The following APLF variants were observed in gnomAD, a reference collection of about 807,000 sequenced individuals.
APLF encodes aprataxin and PNK-like factor.
A neutral mutation model predicts 55.6 loss-of-function variants in APLF; 61 were observed. That is an observed-to-expected ratio of 1.10 (90% CI 0.89 to 1.36). The LOEUF is 1.36. Ranked by LOEUF, APLF falls within the 40% of genes most tolerant of loss-of-function variation. The pLI is 0.00. For missense variants in APLF, 611 were observed against 602.5 expected, an observed-to-expected ratio of 1.01 and a Z score of -0.15; for synonymous variants, 207 against 214.8, an observed-to-expected ratio of 0.96 and a Z score of 0.32.
intron 1 of APLF, 32 bp from the exon 2 acceptor site, chr2:68,490,158 A>T: frequency 6.6e-7 from 1 of 1,521,912 alleles, no homozygotes; most frequent in Non-Finnish European, 8.9e-7. Flanking sequence ...GGAGGTGGCT[A>T]TTCTTAATCT....
At chr2:68,510,369 T>A (rs1222974537) in intron 3 of APLF, among the ~76,000 whole-genome samples, 1 of 151,814 alleles carries the variant, frequency 6.6e-6, no homozygotes, top group Non-Finnish European at 1.5e-5. Context: ...AATGCATAAC[T>A]GATTTGAATA....
Position 68,547,714 on chromosome 2 carries a change from T to C in APLF, c.1286+2402T>C, listed in dbSNP as rs565745648. 4.6e-5 allele frequency among the ~76,000 whole-genome samples: 7 copies of C among 151,934 alleles called. No individual in the cohort carries two copies. In the South Asian group the frequency reaches 1.5e-3, roughly 31 times the overall value. Reference sequence around the variant, plus strand: ...AAACTGAATTCCAGATGACTCATAGTACTAAATGTAAAAAACAAAATAATA... The same window carrying C: ...AAACTGAATTCCAGATGACTCATAGCACTAAATGTAAAAAACAAAATAATA... On this transcript the variant is annotated intron_variant, in intron 8 of 9. Coordinates refer to ENST00000303795, the MANE Select transcript of APLF (RefSeq NM_173545.3).
chr2:68,470,817 G>A (rs1407362307), intron 1 of APLF, among the ~76,000 whole-genome samples: 1 of 152,198 alleles, frequency 6.6e-6, no homozygotes, highest in Admixed American at 6.5e-5. Context: ...AAAAGGAGAA[G>A]AGTCCTCAGT....
At chr2:68,537,804 G>A (rs1670437235) in intron 6 of APLF, 68 bp from the exon 7 acceptor site, 2 of 1,137,712 alleles carry the variant, frequency 1.8e-6, no homozygotes, top group Non-Finnish European at 1.2e-6. Context: ...GTAGTTTTGT[G>A]CTGTTATGCT....
At position 68,495,868 on chromosome 2, in the gene APLF, G is replaced by C. The variant is rs187284518; in HGVS notation, c.168+5607G>C. On this transcript the variant is annotated intron_variant, in intron 2 of 9. Transcript: ENST00000303795. ...ATGGCTTGCATCCTCCAAAATGGCA[G>C]CTCAAGCTGTATGTGGGGTCCTTTG... Among the ~76,000 whole-genome samples the C allele has an allele frequency of 2.6e-5, 4 of 152,332 alleles. No individual in the cohort carries two copies. The East Asian group carries it at 7.7e-4, about 29-fold the overall frequency.
intron 9 of APLF, chr2:68,568,201 A>G: frequency 1.1e-6 from 1 of 879,136 alleles, no homozygotes; most frequent in Middle Eastern, 5.8e-4. Flanking sequence ...TTCTTTAATA[A>G]AATCTGGCTT....
chr2:68,554,448 T>C (rs1445358000), intron 8 of APLF, among the ~76,000 whole-genome samples: 2 of 152,112 alleles, frequency 1.3e-5, no homozygotes, highest in Non-Finnish European at 2.9e-5. Context: ...TTGAAGTATC[T>C]TGCCTGATGG....
intron 3 of APLF, among the ~76,000 whole-genome samples, chr2:68,507,699 G>T (rs1676907412): frequency 1.3e-5 from 2 of 151,808 alleles, no homozygotes; most frequent in Non-Finnish European, 2.9e-5. Context: ...TTGGTTTTTT[G>T]AATGCATTAA....
chr2:68,471,676 A>G (rs1675621104), intron 1 of APLF, among the ~76,000 whole-genome samples: 1 of 152,230 alleles, frequency 6.6e-6, no homozygotes, highest in Admixed American at 6.5e-5. Context: ...CCCAGTTGGT[A>G]ACAGTGTCAT....
In APLF at chr2:68,545,179, C is replaced by G. The variant is rs773149673; in HGVS notation, c.1161-8C>G. On this transcript the variant is annotated splice_polypyrimidine_tract_variant and splice_region_variant and intron_variant, in intron 7 of 9. Coordinates refer to ENST00000303795, the MANE Select transcript of APLF (RefSeq NM_173545.3). ...TTTTTTCTGACAGTATATTTGTCGC[C>G]CTCCTAGGAAGAATCCTGTTCATTT... 6 of 1,611,234 alleles carry G rather than the reference C, an allele frequency of 3.7e-6. No individual in the cohort carries two copies. In the African/African-American group the frequency reaches 8.0e-5, roughly 22 times the overall value.
chr2:68,525,180 C>T (rs1670000473), intron 5 of APLF, among the ~76,000 whole-genome samples: 1 of 152,016 alleles, frequency 6.6e-6, no homozygotes, highest in South Asian at 2.1e-4. Context: ...CCTGTAATCT[C>T]AGCTACTTGG....
chr2:68,501,196 A>G (rs1411387928), intron 2 of APLF, among the ~76,000 whole-genome samples: 1 of 152,184 alleles, frequency 6.6e-6, no homozygotes, highest in African/African-American at 2.4e-5. Context: ...AAGGATAGAA[A>G]TATGATGTAT....
chr2:68,578,013 A>G lies in APLF; in HGVS notation c.1527A>G (p.Lys509=). The G allele has an allele frequency of 2.5e-6, 4 of 1,612,136 alleles. No individual in the cohort carries two copies. Among genetic ancestry groups the G allele is most frequent in the Non-Finnish European group, 3.4e-6 (4 of 1,179,196 alleles). ...ELLKEAKRFM[K]RK is the part of the protein sequence containing the mutation. ...TGAAAGAAGCAAAAAGGTTTATGAA[A>G]AGAAAATAGTAACTAACTTCTGTAG... Residue 509 remains lysine, a synonymous_variant, in exon 10 of 10, where the codon AAA becomes AAG. Transcript: ENST00000303795.
At chr2:68,569,413 C>T (rs1344004510) in intron 9 of APLF, among the ~76,000 whole-genome samples, 1 of 152,054 alleles carries the variant, frequency 6.6e-6, no homozygotes, top group Non-Finnish European at 1.5e-5. Context: ...TAGGACATCA[C>T]AGGCAAAGTG....
At chr2:68,572,284 G>A (rs1366217803) in intron 9 of APLF, among the ~76,000 whole-genome samples, 1 of 151,908 alleles carries the variant, frequency 6.6e-6, no homozygotes, top group Non-Finnish European at 1.5e-5. Flanking sequence ...GTTGCTTAGT[G>A]CATTTAAAAA....
At chr2:68,520,525 T>C (rs1411498238) in intron 5 of APLF, among the ~76,000 whole-genome samples, 2 of 151,886 alleles carry the variant, frequency 1.3e-5, no homozygotes, top group Non-Finnish European at 2.9e-5. Flanking sequence ...TTTCATTCTT[T>C]TACATGTGGC....
At chr2:68,542,262 G>A (rs1670573033) in intron 7 of APLF, among the ~76,000 whole-genome samples, 1 of 151,636 alleles carries the variant, frequency 6.6e-6, no homozygotes, top group South Asian at 2.1e-4. Context: ...TCTTGGATAT[G>A]ACACCAAAGC....
Position 68,578,714 on chromosome 2 carries a change from T to C in APLF, c.*692T>C. On this transcript the variant is annotated 3_prime_UTR_variant, in exon 10 of 10. Transcript: ENST00000303795. ...AAAAAACTCAAAAAACTTGACCTTT[T>C]TTTTCAAACTAAAGTCCTAGCTGAT... The C allele has an allele frequency of 1.0e-6, 1 of 985,340 alleles. No homozygotes were observed. Among genetic ancestry groups the C allele is most frequent in the East Asian group, 1.1e-4 (1 of 8,822 alleles). 61.0% of individuals were successfully genotyped at this position (985,340 alleles called of 1,614,324 possible). A position where few individuals can be genotyped will look rare whatever the true frequency, so the allele number is the denominator to read the frequency against.
At chr2:68,562,836 A>G (rs1671205295) in intron 8 of APLF, among the ~76,000 whole-genome samples, 1 of 152,074 alleles carries the variant, frequency 6.6e-6, no homozygotes, top group Non-Finnish European at 1.5e-5. Flanking sequence ...TTGAAGACTC[A>G]ATTTAGCATT....
Sources: allele counts gnomAD v4.1 joint callset (sites outside exome capture counted in the v4.1 genomes callset), GRCh38; gene constraint gnomAD v4.1.1; transcripts MANE v1.5; gene names NCBI Gene and HGNC (gene_info 2026-07-23, HGNC 2026-07-21).